The following LOXL1 variants were observed in gnomAD, a reference collection of about 807,000 sequenced individuals.
LOXL1 encodes the protein lysyl oxidase homolog 1.
Under a neutral mutation model 62.2 loss-of-function variants are expected in LOXL1, and 31 were observed. The ratio of observed to expected loss-of-function variants is 0.50; its 90% CI spans 0.37 to 0.67. The LOEUF is 0.67. Among genes scored for constraint, LOXL1 ranks in the 30% least tolerant of loss-of-function variants. The probability of loss-of-function intolerance (pLI) is 0.00; values close to 1 mark genes in which losing one functional copy is unlikely to be tolerated. For synonymous variants in LOXL1, 403 were observed against 384.4 expected, an observed-to-expected ratio of 1.05 and a Z score of -0.56; for missense variants, 775 against 843.4, an observed-to-expected ratio of 0.92 and a Z score of 1.00.
intron 1 of LOXL1, among the ~76,000 whole-genome samples, chr15:73,942,577 G>GC (rs1429570793): frequency 6.6e-6 from 1 of 151,996 alleles, no homozygotes; most frequent in Non-Finnish European, 1.5e-5. Flanking sequence ...TCTAAATCCT[G>GC]CCCCATCTCC....
intron 2 of LOXL1, 37 bp from the exon 3 acceptor site, chr15:73,946,380 C>T: frequency 6.8e-7 from 1 of 1,471,396 alleles, no homozygotes; most frequent in Non-Finnish European, 9.4e-7. Flanking sequence ...TGTCACTGTG[C>T]CCCAACCCCC....
At chr15:73,928,869 G>GAA (rs5813730) in intron 1 of LOXL1, among the ~76,000 whole-genome samples, 2 of 137,504 alleles carry the variant, frequency 1.5e-5, no homozygotes, top group South Asian at 2.3e-4. Context: ...GCACCCCGAG[G>GAA]AAAAAAAAAA....
intron 1 of LOXL1, among the ~76,000 whole-genome samples, chr15:73,932,429 C>T (rs1307374191): frequency 6.6e-6 from 1 of 152,162 alleles, no homozygotes; most frequent in East Asian, 1.9e-4. Flanking sequence ...TTATCTTGTA[C>T]ACCTCATTTA....
chr15:73,931,330 C>T (rs1567084511), intron 1 of LOXL1, among the ~76,000 whole-genome samples: 1 of 152,106 alleles, frequency 6.6e-6, no homozygotes, highest in Non-Finnish European at 1.5e-5. Context: ...CCTCCCTGGT[C>T]CCTTGCTCCC....
At chr15:73,940,788 C>G (rs1280021806) in intron 1 of LOXL1, among the ~76,000 whole-genome samples, 3 of 152,226 alleles carry the variant, frequency 2.0e-5, no homozygotes, top group Admixed American at 6.5e-5. Flanking sequence ...ATAGTCAGGG[C>G]TGGGAGAGGC....
rs181010747 is a variant in LOXL1 at position 73,947,054 on chromosome 15, C to T, written c.1350-13C>T. 120 of 1,585,466 alleles carry T rather than the reference C, an allele frequency of 7.6e-5. 1 individual carries two copies. The Admixed American group carries it at 1.2e-3, about 16-fold the overall frequency. On this transcript the variant is annotated splice_polypyrimidine_tract_variant and intron_variant, in intron 3 of 6. Transcript: ENST00000261921. ...TAGGCCCTCTTCTTTCTCCTTCTCTCCTCTGCCCCTAGGCATTACCACAGC... is the reference window on the plus strand; with the variant it reads ...TAGGCCCTCTTCTTTCTCCTTCTCTTCTCTGCCCCTAGGCATTACCACAGC...
rs1371034635 is a variant in LOXL1 at position 73,947,140 on chromosome 15, G to A, written c.1423G>A (p.Gly475Ser). Residue 475 changes from glycine (G) to serine (S), a missense_variant, in exon 4 of 7, where the codon GGC becomes AGC. Gly to Ser is a moderately conservative substitution (Grantham distance 56). Transcript: ENST00000261921. ...AGCCACAGGCAAGAAGGTGGCCGAG[G>A]GCCACAAGGCCAGTTTCTGCCTGGA... ...DAATGKKVAE[G>S]HKASFCLEDS... is the part of the protein sequence containing the mutation. 2.5e-6 allele frequency: 4 copies of A among 1,613,786 alleles called. No homozygotes were observed. The highest frequency in any genetic ancestry group is 1.1e-5 in the South Asian group (1 of 91,040).
chr15:73,936,823 G>A (rs1040486452), intron 1 of LOXL1, among the ~76,000 whole-genome samples: 1 of 152,268 alleles, frequency 6.6e-6, no homozygotes, highest in African/African-American at 2.4e-5. Context: ...TAGGTCAGAA[G>A]GTGGGAGAAT....
Position 73,946,421 on chromosome 15 carries a change from G to A in LOXL1, c.1216G>A (p.Ala406Thr). 1 of 1,551,752 alleles carries A rather than the reference G, an allele frequency of 6.4e-7. No homozygotes were observed. Among genetic ancestry groups the A allele is most frequent in the African/African-American group, 1.4e-5 (1 of 72,908 alleles). The change falls in exon 3 of 7, where the codon GCC (alanine) becomes ACC (threonine). Residue 406 changes from alanine to threonine, a missense_variant. By Grantham distance (58) the Ala-to-Thr change is moderately conservative. Coordinates refer to ENST00000261921, the MANE Select transcript of LOXL1 (RefSeq NM_005576.4). ...TCTCCCCCGCCGTCCCTGCAGCACAGCCTATGCCCCTGAGGCCACCGACTA... is the reference window on the plus strand; with the variant it reads ...TCTCCCCCGCCGTCCCTGCAGCACAACCTATGCCCCTGAGGCCACCGACTA... ...AAEEKCLAST[A>T]YAPEATDYDV...
At chr15:73,946,249 C>A in intron 2 of LOXL1, 168 bp from the exon 3 acceptor site, 1 of 600,310 alleles carries the variant, frequency 1.7e-6, no homozygotes, top group Admixed American at 2.9e-5. Flanking sequence ...AGGAAGAGGC[C>A]TGAGCCTCCG....
At chr15:73,943,978 A>G (rs1325046171) in intron 2 of LOXL1, among the ~76,000 whole-genome samples, 2 of 152,224 alleles carry the variant, frequency 1.3e-5, no homozygotes, top group African/African-American at 4.8e-5. Context: ...TCATTGAGAA[A>G]GTCTTGCTTT....
chr15:73,932,575 T>C (rs1405131905), intron 1 of LOXL1, among the ~76,000 whole-genome samples: 2 of 152,226 alleles, frequency 1.3e-5, no homozygotes, highest in African/African-American at 4.8e-5. Context: ...AGTGTGGGGT[T>C]AGGGTGTAGC....
At position 73,926,985 on chromosome 15, in the gene LOXL1, C is replaced by A; in HGVS notation, c.202C>A (p.Arg68Ser). 1 of 1,499,312 alleles carries A rather than the reference C, an allele frequency of 6.7e-7. No individual in the cohort carries two copies. Among genetic ancestry groups the A allele is most frequent in the Non-Finnish European group, 8.9e-7 (1 of 1,119,740 alleles). The allele number at this position is 1,499,312 out of a possible 1,614,324, so 92.9% of individuals were successfully genotyped here. A position where few individuals can be genotyped will look rare whatever the true frequency, so the allele number is the denominator to read the frequency against. Residue 68 changes from arginine to serine, a missense_variant, in exon 1 of 7, where the codon CGC becomes AGC. Coordinates refer to ENST00000261921, the MANE Select transcript of LOXL1 (RefSeq NM_005576.4). ...AGAGTACGTGCCGGCCGGACCTCAG[C>A]GCTCCGAGAGTAGCTCCCGGGTGCT... ...GSEYVPAGPQ[R>S]SESSSRVLLA...
At chr15:73,931,209 G>A (rs1378010656) in intron 1 of LOXL1, among the ~76,000 whole-genome samples, 1 of 152,040 alleles carries the variant, frequency 6.6e-6, no homozygotes, top group African/African-American at 2.4e-5. Context: ...AGGCAGCCCT[G>A]GGCATCCTCC....
At position 73,945,018 on chromosome 15, in the gene LOXL1, C is replaced by T. The variant is rs535811414; in HGVS notation, c.1212-1399C>T. ...GAGGCCAACAGAGTTAGCTGTCAGC[C>T]GTCAGCTAAAGAGGGGAGGGGCCTT... On this transcript the variant is annotated intron_variant, in intron 2 of 6. Coordinates refer to ENST00000261921, the MANE Select transcript of LOXL1 (RefSeq NM_005576.4). This position sits in a 1 kb window ranked among gnomAD's most constrained non-coding sequence, Gnocchi z 4.3. Among the ~76,000 whole-genome samples the T allele has an allele frequency of 1.3e-5, 2 of 152,310 alleles. No individual in the cohort carries two copies. The highest frequency in any genetic ancestry group is 2.9e-5 in the Non-Finnish European group (2 of 68,030).
chr15:73,926,839 T>C lies in LOXL1; in HGVS notation c.56T>C (p.Leu19Pro). Residue 19 changes from leucine (L) to proline (P), a missense_variant, in exon 1 of 7, where the codon CTG becomes CCG. By Grantham distance (98) the Leu-to-Pro change is moderately conservative (BLOSUM62 -3). Transcript: ENST00000261921. The part of the protein sequence containing the change: ...QLGALVWGAC[L>P]CVLVHGQQAQ... ...GGGGCCCTGGTGTGGGGCGCCTGCC[T>C]GTGCGTGCTGGTGCACGGGCAGCAG... is the stretch of plus-strand genomic sequence containing the variant. 6.5e-7 allele frequency: 1 copy of C among 1,536,338 alleles called. No homozygotes were observed. Among genetic ancestry groups the C allele is most frequent in the Non-Finnish European group, 8.8e-7 (1 of 1,140,000 alleles).
At position 73,945,074 on chromosome 15, in the gene LOXL1, GTGTGTGCATGTGTGTGTA is replaced by G. The variant is rs1159815830; in HGVS notation, c.1212-1325_1212-1308del. ...ACCCCTTCCTGTTCCTACCACACATGTGTGTGCATGTGTGTGTATGTGTGCATGTGTGTGTGTCTCCCC... is the reference window on the plus strand; with the variant it reads ...ACCCCTTCCTGTTCCTACCACACATGTGTGTGCATGTGTGTGTGTCTCCCC... On this transcript the variant is annotated intron_variant, in intron 2 of 6. Coordinates refer to ENST00000261921, the MANE Select transcript of LOXL1 (RefSeq NM_005576.4). This position sits in a 1 kb window ranked among gnomAD's most constrained non-coding sequence, Gnocchi z 4.3. Among the ~76,000 whole-genome samples, 1 of 152,076 alleles carries G rather than the reference GTGTGTGCATGTGTGTGTA, an allele frequency of 6.6e-6. No homozygotes were observed. Among genetic ancestry groups the G allele is most frequent in the Non-Finnish European group, 1.5e-5 (1 of 67,994 alleles).
chr15:73,933,692 C>T (rs945140618), intron 1 of LOXL1, among the ~76,000 whole-genome samples: 5 of 152,250 alleles, frequency 3.3e-5, no homozygotes, highest in Non-Finnish European at 7.3e-5. Context: ...AAGCTGGGAA[C>T]ACATGGAAGA....
chr15:73,940,756 G>T (rs920019453), intron 1 of LOXL1, among the ~76,000 whole-genome samples: 2 of 152,198 alleles, frequency 1.3e-5, no homozygotes, highest in African/African-American at 2.4e-5. Context: ...CTGTGATCAG[G>T]CACAGGGCTC....
Sources: gnomAD v4.1 joint callset for allele counts (sites outside exome capture counted in the v4.1 genomes callset) on GRCh38, gnomAD v4.1.1 for gene constraint, Gnocchi (gnomAD v3.1) non-coding constraint, MANE v1.5 for transcripts, NCBI Gene and HGNC (gene_info 2026-07-23, HGNC 2026-07-21) for gene names.